The following MAP3K7CL variants were observed in gnomAD, a reference collection of about 807,000 sequenced individuals.
The protein encoded by MAP3K7CL is MAP3K7 C-terminal-like protein.
MAP3K7CL carries 16 observed loss-of-function variants against 18.6 expected under a neutral mutation model. The observed-to-expected ratio is 0.86, with a 90% CI of 0.58 to 1.31. MAP3K7CL has a LOEUF of 1.31. MAP3K7CL is among the 50% of genes most tolerant of loss of function. MAP3K7CL has a pLI of 0.00. For synonymous variants in MAP3K7CL, 65 were observed against 66.8 expected, an observed-to-expected ratio of 0.97 and a Z score of 0.13; for missense variants, 163 against 174.4, an observed-to-expected ratio of 0.93 and a Z score of 0.37.
At position 29,116,169 on chromosome 21, in the gene MAP3K7CL, C is replaced by G. The variant is rs376703824; in HGVS notation, c.370+23588C>G. On this transcript the variant is annotated intron_variant, in intron 4 of 6. Transcript: ENST00000286791. Reference sequence around the variant, plus strand: ...TGAGTTTTGTTTTTATTCGTTATTTCTATTTCCAGTGCTATAGCAGGCTAC... The same window carrying G: ...TGAGTTTTGTTTTTATTCGTTATTTGTATTTCCAGTGCTATAGCAGGCTAC... Among the ~76,000 whole-genome samples the G allele has an allele frequency of 5.3e-5, 8 of 152,256 alleles. No homozygotes were observed. The East Asian group carries it at 1.2e-3, about 22-fold the overall frequency.
intron 1 of MAP3K7CL, chr21:29,091,360 G>T: frequency 3.0e-5 from 16 of 528,408 alleles, no homozygotes; most frequent in Middle Eastern, 4.9e-4. Flanking sequence ...AAAATAGAAT[G>T]TTTTTAGCCA....
chr21:29,151,864 T>G (rs2832218), intron 3 of MAP3K7CL, among the ~76,000 whole-genome samples: 11,796 of 152,320 alleles, frequency 0.077, 511 homozygotes, highest in South Asian at 0.14. Context: ...ATAGCTTTAA[T>G]TCCACTTGAC....
chr21:29,130,577 C>G (rs2086760070), upstream of MAP3K7CL: 1 of 985,234 alleles, frequency 1.0e-6, no homozygotes, highest in Non-Finnish European at 1.2e-6. Context: ...CTCCCCACAA[C>G]TTGCTGTTTA....
In MAP3K7CL at chr21:29,156,230, A is replaced by T. The variant is rs184738984; in HGVS notation, c.133-3711A>T. ...GTACATCCATTCCCAGCATGGGCTT[A>T]TAACTATGAAAATCTCTCTGACAAG... On this transcript the variant is annotated intron_variant, in intron 3 of 4. Transcript: ENST00000399928. Among the ~76,000 whole-genome samples the T allele has an allele frequency of 1.8e-4, 28 of 152,388 alleles. 1 individual carries two copies. Among genetic ancestry groups the T allele is most frequent in the East Asian group, 1.5e-3 (8 of 5,194 alleles).
chr21:29,167,693 ATTTTT>A (rs35549023), intron 4 of MAP3K7CL, among the ~76,000 whole-genome samples: 9 of 107,478 alleles, frequency 8.4e-5, no homozygotes, highest in East Asian at 2.7e-4. Context: ...AGAAGGACCA[ATTTTT>A]TTTTTTTTTT....
chr21:29,140,550 G>T (rs1175974102), intron 2 of MAP3K7CL, among the ~76,000 whole-genome samples: 1 of 152,170 alleles, frequency 6.6e-6, no homozygotes, highest in Non-Finnish European at 1.5e-5. Flanking sequence ...CGGTCCTCAG[G>T]ACTGTTACTT....
At chr21:29,168,037 AG>A (rs1261286386) in intron 4 of MAP3K7CL, among the ~76,000 whole-genome samples, 2 of 152,142 alleles carry the variant, frequency 1.3e-5, no homozygotes, top group Admixed American at 6.6e-5. Flanking sequence ...GCATCCCTTC[AG>A]GGTATGACTT....
intron 1 of MAP3K7CL, among the ~76,000 whole-genome samples, chr21:29,089,269 T>C (rs2085981148): frequency 6.9e-6 from 1 of 145,370 alleles, no homozygotes; most frequent in African/African-American, 2.6e-5. Context: ...ATCAAGAAAC[T>C]GGGAGAAGAC....
intron 4 of MAP3K7CL, among the ~76,000 whole-genome samples, chr21:29,096,484 C>T (rs149118635): frequency 8.1e-4 from 124 of 152,256 alleles, no homozygotes; most frequent in African/African-American, 2.9e-3. Context: ...TCAGGTAGGA[C>T]CTCCTTAAGA....
intron 4 of MAP3K7CL, among the ~76,000 whole-genome samples, chr21:29,125,574 A>G (rs2086667612): frequency 6.6e-6 from 1 of 152,212 alleles, no homozygotes; most frequent in Non-Finnish European, 1.5e-5. Context: ...GTGATCAGAA[A>G]TCCTTACTCT....
At chr21:29,161,574 A>C (rs1316523534) in intron 4 of MAP3K7CL, among the ~76,000 whole-genome samples, 1 of 152,166 alleles carries the variant, frequency 6.6e-6, no homozygotes, top group Non-Finnish European at 1.5e-5. Context: ...AAATTTCATA[A>C]AGGAATTAAA....
chr21:29,169,828 TA>T (rs1345790506), intron 4 of MAP3K7CL, among the ~76,000 whole-genome samples: 2 of 152,244 alleles, frequency 1.3e-5, no homozygotes, highest in Non-Finnish European at 2.9e-5. Context: ...GTTTAGTAAC[TA>T]AAAACCTTTC....
At chr21:29,119,620 G>C (rs546163249) in intron 4 of MAP3K7CL, among the ~76,000 whole-genome samples, 8 of 151,372 alleles carry the variant, frequency 5.3e-5, no homozygotes, top group Non-Finnish European at 1.0e-4. Context: ...TGAAAAACGT[G>C]CATGGGATAT....
At chr21:29,154,585 T>G (rs894718229) in intron 3 of MAP3K7CL, among the ~76,000 whole-genome samples, 5 of 152,208 alleles carry the variant, frequency 3.3e-5, no homozygotes, top group African/African-American at 1.2e-4. Flanking sequence ...AATATCCTGT[T>G]ATCCAAGCAG....
At chr21:29,083,296 G>A (rs1057078591), upstream of MAP3K7CL, among the ~76,000 whole-genome samples, 6 of 87,736 alleles carry the variant, frequency 6.8e-5, no homozygotes, top group East Asian at 2.5e-4. Context: ...CCTCAATGCC[G>A]TGCAGCACAT....
chr21:29,161,350 A>G (rs116086786), intron 4 of MAP3K7CL, among the ~76,000 whole-genome samples: 2 of 152,056 alleles, frequency 1.3e-5, no homozygotes, highest in Non-Finnish European at 2.9e-5. Context: ...GGATCTTGTT[A>G]TCTTGCCCAG....
intron 4 of MAP3K7CL, among the ~76,000 whole-genome samples, chr21:29,100,553 C>T (rs1480508166): frequency 6.6e-6 from 1 of 152,024 alleles, no homozygotes; most frequent in African/African-American, 2.4e-5. Flanking sequence ...TTCTGAGTCT[C>T]CGTTTTCTCT....
chr21:29,146,673 T>C (rs914611451), intron 2 of MAP3K7CL, among the ~76,000 whole-genome samples: 3 of 152,212 alleles, frequency 2.0e-5, no homozygotes, highest in African/African-American at 7.2e-5. Flanking sequence ...GTGATATCAC[T>C]GAATCTGAGG....
chr21:29,105,099 A>T (rs11702483), intron 4 of MAP3K7CL, among the ~76,000 whole-genome samples: 3,102 of 152,254 alleles, frequency 0.02, 73 homozygotes, highest in Non-Finnish European at 0.028. Context: ...TCTGATTTCC[A>T]CCCAAGAATC....
Sources: gnomAD v4.1 joint callset for allele counts (sites outside exome capture counted in the v4.1 genomes callset) on GRCh38, gnomAD v4.1.1 for gene constraint, MANE v1.5 for transcripts, NCBI Gene and HGNC (gene_info 2026-07-23, HGNC 2026-07-21) for gene names.